SLC15A5: variants seen among roughly 807,000 people sequenced by gnomAD.
SLC15A5 encodes the protein solute carrier family 15 member 5.
A neutral mutation model predicts 56.1 loss-of-function variants in SLC15A5; 58 were observed. The ratio of observed to expected loss-of-function variants is 1.03; its 90% CI spans 0.84 to 1.29. SLC15A5 has a LOEUF of 1.29. SLC15A5 is among the 50% of genes most tolerant of loss of function. The probability of loss-of-function intolerance (pLI) is 0.00; values close to 1 mark genes in which losing one functional copy is unlikely to be tolerated. For synonymous variants in SLC15A5, 264 were observed against 250.5 expected, an observed-to-expected ratio of 1.05 and a Z score of -0.51; for missense variants, 681 against 672.1, an observed-to-expected ratio of 1.01 and a Z score of -0.15.
chr12:16,254,459 A>G (rs899970775), intron 3 of SLC15A5, among the ~76,000 whole-genome samples: 1 of 152,168 alleles, frequency 6.6e-6, no homozygotes, highest in Non-Finnish European at 1.5e-5. Flanking sequence ...AAAATGATTA[A>G]GATGGTTTAT....
At position 16,269,526 on chromosome 12, in the gene SLC15A5, T is replaced by C. The variant is rs1474895560; in HGVS notation, c.584+3035A>G. On this transcript the variant is annotated intron_variant, in intron 2 of 8. Transcript: ENST00000344941. The surrounding 1 kb of genome is among the most constrained non-coding windows in gnomAD (Gnocchi z 4.7). ...TTCTTGTGAATATTAAAATAGATTCTGGAAAAATGCTGTGGGATAATACAT... is the reference window on the plus strand; with the variant it reads ...TTCTTGTGAATATTAAAATAGATTCCGGAAAAATGCTGTGGGATAATACAT... Among the ~76,000 whole-genome samples the C allele has an allele frequency of 1.3e-5, 2 of 152,212 alleles. No homozygotes were observed. Among genetic ancestry groups the C allele is most frequent in the Non-Finnish European group, 2.9e-5 (2 of 68,034 alleles).
intron 5 of SLC15A5, among the ~76,000 whole-genome samples, chr12:16,225,742 C>G (rs571789282): frequency 1.2e-3 from 183 of 152,256 alleles, no homozygotes; most frequent in Non-Finnish European, 2.1e-3. Context: ...AAATCAAAAC[C>G]ACAATGAGAT....
rs1454107768 is a variant in SLC15A5, at chr12:16,269,157, G to A, written c.584+3404C>T. Among the ~76,000 whole-genome samples the A allele has an allele frequency of 1.3e-5, 2 of 152,136 alleles. No individual in the cohort carries two copies. On this transcript the variant is annotated intron_variant, in intron 2 of 8. Coordinates refer to ENST00000344941, the MANE Select transcript of SLC15A5 (RefSeq NM_001170798.1). The surrounding 1 kb of genome is among the most constrained non-coding windows in gnomAD (Gnocchi z 4.7). ...ACTATTTATAAGCCAGCCAATCTCTGCTGATTTGTTATTGCAGCCTGAATA... is the reference window on the plus strand; with the variant it reads ...ACTATTTATAAGCCAGCCAATCTCTACTGATTTGTTATTGCAGCCTGAATA...
intron 5 of SLC15A5, among the ~76,000 whole-genome samples, chr12:16,236,858 A>G (rs1296211423): frequency 1.3e-5 from 2 of 152,214 alleles, no homozygotes; most frequent in Non-Finnish European, 2.9e-5. Flanking sequence ...GCTAACATCA[A>G]TACATTAACT....
chr12:16,236,295 T>A (rs867202917), intron 5 of SLC15A5, among the ~76,000 whole-genome samples: 1 of 152,204 alleles, frequency 6.6e-6, no homozygotes, highest in Non-Finnish European at 1.5e-5. Flanking sequence ...TACAATAATA[T>A]CATTAGTTCT....
chr12:16,217,388 C>G (rs1274683576), intron 6 of SLC15A5, among the ~76,000 whole-genome samples: 1 of 152,004 alleles, frequency 6.6e-6, no homozygotes, highest in African/African-American at 2.4e-5. Context: ...TTTTGTGATT[C>G]TGTGTAATTC....
intron 3 of SLC15A5, among the ~76,000 whole-genome samples, chr12:16,254,824 C>T (rs1484113209): frequency 6.6e-6 from 1 of 151,992 alleles, no homozygotes; most frequent in Non-Finnish European, 1.5e-5. Flanking sequence ...AAACGTAGAA[C>T]AGAGGATATT....
At chr12:16,238,600 A>T (rs1055775704) in intron 5 of SLC15A5, among the ~76,000 whole-genome samples, 1 of 142,258 alleles carries the variant, frequency 7.0e-6, no homozygotes. Context: ...ACTGCACTCC[A>T]GCCTGGGCGA....
At chr12:16,257,976 T>G (rs761979644) in intron 2 of SLC15A5, 106 bp from the exon 3 acceptor site, 38 of 1,081,432 alleles carry the variant, frequency 3.5e-5, no homozygotes, top group Non-Finnish European at 4.2e-5. Flanking sequence ...AATGATGGCA[T>G]GTTAACTGAA....
rs748383413 is a variant in SLC15A5, at chr12:16,257,796, C to T, written c.659G>A (p.Trp220Ter). ...GISYIQHSQA[W>*]ALVLLIPFMS... ...AAAAGGAATAAGTAAAACAAGGGCC[C>T]AGGCCTGTGAGTGCTGGATGTAAGA... is the stretch of plus-strand genomic sequence containing the variant. The change falls in exon 3 of 9, where the codon TGG becomes TAG. Residue 220 changes from tryptophan (W) to a stop codon, truncating the protein, a stop_gained. Transcript: ENST00000344941. LOFTEE classifies it high-confidence loss of function. 3 of 1,530,610 alleles carry T rather than the reference C, an allele frequency of 2.0e-6. 1 individual carries two copies. The highest frequency in any genetic ancestry group is 1.7e-6 in the Non-Finnish European group (2 of 1,144,442). The allele number at this position is 1,530,610 out of a possible 1,614,324, so 94.8% of individuals were successfully genotyped here.
chr12:16,275,570 A>G (rs1416626450), intron 1 of SLC15A5, among the ~76,000 whole-genome samples: 1 of 152,062 alleles, frequency 6.6e-6, no homozygotes, highest in Non-Finnish European at 1.5e-5. Flanking sequence ...GCATTTTTTC[A>G]GCTAGGGTAG....
intron 2 of SLC15A5, among the ~76,000 whole-genome samples, chr12:16,259,614 T>G (rs1484406882): frequency 6.6e-6 from 1 of 152,082 alleles, no homozygotes; most frequent in Admixed American, 6.5e-5. Context: ...AAGGAACCAG[T>G]TTGGTGGTCA....
chr12:16,227,169 T>G (rs1326965278), intron 5 of SLC15A5, among the ~76,000 whole-genome samples: 1 of 152,152 alleles, frequency 6.6e-6, no homozygotes, highest in East Asian at 1.9e-4. Context: ...TATTACTATT[T>G]TAAATTAAGG....
intron 2 of SLC15A5, among the ~76,000 whole-genome samples, chr12:16,259,898 G>GGT (rs1555173550): frequency 6.3e-5 from 3 of 47,334 alleles, no homozygotes; most frequent in African/African-American, 1.1e-4. Flanking sequence ...GACACCACCC[G>GGT]GGCGGGGGGT....
At position 16,235,323 on chromosome 12, in the gene SLC15A5, T is replaced by C. The variant is rs1864342495; in HGVS notation, c.1162+4358A>G. ...ATATGTATATATATGTATATATGTA[T>C]ATGTATATGTACATATATATGACCT... On this transcript the variant is annotated intron_variant, in intron 5 of 8. Coordinates refer to ENST00000344941, the MANE Select transcript of SLC15A5 (RefSeq NM_001170798.1). The surrounding 1 kb of genome is among the most constrained non-coding windows in gnomAD (Gnocchi z 4.1). Among the ~76,000 whole-genome samples, 1 of 149,866 alleles carries C rather than the reference T, an allele frequency of 6.7e-6. No individual in the cohort carries two copies. The highest frequency in any genetic ancestry group is 1.5e-5 in the Non-Finnish European group (1 of 67,524).
In SLC15A5 at chr12:16,277,451, C is replaced by T. The variant is rs1374889169; in HGVS notation, c.235G>A (p.Ala79Thr). The T allele has an allele frequency of 6.5e-7, 1 of 1,536,508 alleles. No individual in the cohort carries two copies. Among genetic ancestry groups the T allele is most frequent in the South Asian group, 1.2e-5 (1 of 84,022 alleles). Residue 79 changes from alanine to threonine, a missense_variant, in exon 1 of 9, where the codon GCA (alanine) becomes ACA (threonine). Coordinates refer to ENST00000344941, the MANE Select transcript of SLC15A5 (RefSeq NM_001170798.1). ...ATAAAACACAAGTTTAAGATGGCTG[C>T]TTGGCAATTGTGATAGCCAAGCTTG... ...TIKLGYHNCQAAILNLCFIGT... is the reference protein window; with the variant it reads ...TIKLGYHNCQTAILNLCFIGT...
chr12:16,252,749 A>G (rs1302952049), intron 3 of SLC15A5, among the ~76,000 whole-genome samples: 1 of 152,144 alleles, frequency 6.6e-6, no homozygotes, highest in Non-Finnish European at 1.5e-5. Context: ...TATAGATTCA[A>G]TGCAATCCCT....
At chr12:16,252,837 A>G (rs1864532543) in intron 3 of SLC15A5, among the ~76,000 whole-genome samples, 1 of 152,130 alleles carries the variant, frequency 6.6e-6, no homozygotes, top group Admixed American at 6.6e-5. Context: ...AGTGAAAACA[A>G]ACTTGAAAAA....
chr12:16,230,730 G>A (rs573409615), intron 5 of SLC15A5, among the ~76,000 whole-genome samples: 107 of 148,150 alleles, frequency 7.2e-4, no homozygotes, highest in East Asian at 2.6e-3. Context: ...TGGCTAACAC[G>A]GTGAAACCCC....
Sources: gnomAD v4.1 joint callset for allele counts (sites outside exome capture counted in the v4.1 genomes callset) on GRCh38, gnomAD v4.1.1 for gene constraint, Gnocchi (gnomAD v3.1) non-coding constraint, MANE v1.5 for transcripts, NCBI Gene and HGNC (gene_info 2026-07-23, HGNC 2026-07-21) for gene names.